Variants in GPM6A observed in about 807,000 individuals in gnomAD.
GPM6A encodes glycoprotein M6A.
A neutral mutation model predicts 32.1 loss-of-function variants in GPM6A; 7 were observed. That is an observed-to-expected ratio of 0.22 (90% CI 0.12 to 0.41). The LOEUF is 0.41. Among genes scored for constraint, GPM6A ranks in the 10% least tolerant of loss-of-function variants. The probability of loss-of-function intolerance (pLI) is 1.00; values close to 1 mark genes in which losing one functional copy is unlikely to be tolerated. For missense variants in GPM6A, 235 were observed against 347.2 expected (o/e 0.68, Z 2.57); for synonymous variants, 130 against 123.4 (o/e 1.05, Z -0.35).
intron 1 of GPM6A, among the ~76,000 whole-genome samples, chr4:175,766,398 G>A (rs1288623750): frequency 6.6e-6 from 1 of 152,114 alleles, no homozygotes; most frequent in Non-Finnish European, 1.5e-5. Context: ...CCTTTATCTG[G>A]AGGAAAAAAC....
intron 1 of GPM6A, among the ~76,000 whole-genome samples, chr4:175,791,537 G>A (rs1321005392): frequency 6.6e-6 from 1 of 152,078 alleles, no homozygotes; most frequent in Non-Finnish European, 1.5e-5. Context: ...TGTAAAGTAA[G>A]AGCAATTTAT....
chr4:175,752,710 C>A lies in GPM6A; in HGVS notation c.38-50943G>T, dbSNP rs929013133. ...CTTCTATTTGCTTATATATCTCTTA[C>A]ATGAAATTAAAGGACAAAGACCTCT... On this transcript the variant is annotated intron_variant, in intron 1 of 6. Coordinates refer to ENST00000393658, the MANE Select transcript of GPM6A (RefSeq NM_201591.3). Among the ~76,000 whole-genome samples, 4 of 152,254 alleles carry A rather than the reference C, an allele frequency of 2.6e-5. No individual in the cohort carries two copies. The East Asian group carries it at 7.7e-4, about 29-fold the overall frequency.
chr4:175,865,596 ACTTT>A (rs1439180272), intron 1 of GPM6A, among the ~76,000 whole-genome samples: 1 of 152,140 alleles, frequency 6.6e-6, no homozygotes, highest in African/African-American at 2.4e-5. Context: ...GTTCTTCTTT[ACTTT>A]CTTTCATAAA....
At chr4:175,930,946 A>G (rs1739019754) in intron 1 of GPM6A, among the ~76,000 whole-genome samples, 1 of 152,148 alleles carries the variant, frequency 6.6e-6, no homozygotes, top group Non-Finnish European at 1.5e-5. Flanking sequence ...ATTATCCATT[A>G]TTAGGATTTG....
chr4:175,817,011 C>T (rs1388421040), upstream of GPM6A, among the ~76,000 whole-genome samples: 1 of 152,108 alleles, frequency 6.6e-6, no homozygotes, highest in African/African-American at 2.4e-5. Context: ...ACCCCGCCAC[C>T]ACGCCCGGCT....
intron 1 of GPM6A, among the ~76,000 whole-genome samples, chr4:175,834,488 A>T (rs1735705642): frequency 6.6e-6 from 1 of 151,958 alleles, no homozygotes; most frequent in African/African-American, 2.4e-5. Flanking sequence ...TCACAGACTG[A>T]TTTTCTCTTC....
At chr4:175,833,960 A>G (rs1401509510) in intron 1 of GPM6A, among the ~76,000 whole-genome samples, 4 of 152,162 alleles carry the variant, frequency 2.6e-5, no homozygotes, top group Non-Finnish European at 5.9e-5. Flanking sequence ...GTCCTTCCAG[A>G]GAAGTGCTGT....
At chr4:175,747,318 T>G (rs1345810572) in intron 1 of GPM6A, among the ~76,000 whole-genome samples, 1 of 151,590 alleles carries the variant, frequency 6.6e-6, no homozygotes, top group African/African-American at 2.4e-5. Flanking sequence ...ATAGTATTTT[T>G]CATTGCTGTC....
chr4:175,696,623 C>T (rs116565322), intron 2 of GPM6A, among the ~76,000 whole-genome samples: 2,641 of 152,266 alleles, frequency 0.017, 44 homozygotes, highest in Middle Eastern at 0.037. Flanking sequence ...AATAATCATA[C>T]ATCAATACAA....
chr4:175,958,571 C>T (rs1740064041), intron 1 of GPM6A, among the ~76,000 whole-genome samples: 1 of 152,148 alleles, frequency 6.6e-6, no homozygotes, highest in South Asian at 2.1e-4. Flanking sequence ...TGGTCTTCCC[C>T]CCATTCATTG....
At chr4:175,867,273 G>A (rs73010138) in intron 1 of GPM6A, among the ~76,000 whole-genome samples, 4,363 of 152,072 alleles carry the variant, frequency 0.029, 183 homozygotes, top group African/African-American at 0.097. Flanking sequence ...CCAGTTTATC[G>A]TTTGTTTCTT....
chr4:175,900,412 C>T (rs1737926447), intron 1 of GPM6A, among the ~76,000 whole-genome samples: 1 of 148,852 alleles, frequency 6.7e-6, no homozygotes, highest in Non-Finnish European at 1.5e-5. Context: ...ATATAAGAAG[C>T]TCTATAGGAG....
At chr4:175,823,974 C>T (rs1484278479) in intron 1 of GPM6A, among the ~76,000 whole-genome samples, 2 of 152,194 alleles carry the variant, frequency 1.3e-5, no homozygotes, top group African/African-American at 4.8e-5. Flanking sequence ...TATGATTTTA[C>T]ACATTGTTCC....
intron 4 of GPM6A, among the ~76,000 whole-genome samples, chr4:175,651,373 T>C (rs199617554): frequency 6.7e-6 from 1 of 148,674 alleles, no homozygotes; most frequent in African/African-American, 2.5e-5. Context: ...TTTTTTTTTT[T>C]GTTTTTATTA....
At chr4:175,738,658 A>G (rs962273379) in intron 1 of GPM6A, among the ~76,000 whole-genome samples, 1 of 152,122 alleles carries the variant, frequency 6.6e-6, no homozygotes, top group African/African-American at 2.4e-5. Context: ...ATGAAAAAAA[A>G]TTTTTATAGA....
intron 3 of GPM6A, among the ~76,000 whole-genome samples, chr4:175,668,255 C>T (rs186030633): frequency 2.4e-4 from 37 of 152,080 alleles, no homozygotes; most frequent in Admixed American, 2.2e-3. Context: ...AGTTCTGAAG[C>T]GATATACGAG....
chr4:175,989,190 A>G (rs1389807835), intron 1 of GPM6A, among the ~76,000 whole-genome samples: 7 of 152,180 alleles, frequency 4.6e-5, no homozygotes, highest in African/African-American at 1.7e-4. Flanking sequence ...TTTAAAAAAA[A>G]TTACTATTCA....
intron 1 of GPM6A, among the ~76,000 whole-genome samples, chr4:175,828,881 A>G (rs1485516914): frequency 6.6e-6 from 1 of 152,138 alleles, no homozygotes; most frequent in African/African-American, 2.4e-5. Context: ...TATTGGCATT[A>G]CAAACATTTC....
upstream of GPM6A, among the ~76,000 whole-genome samples, chr4:175,817,239 CAG>C (rs749849551): frequency 3.9e-5 from 6 of 152,248 alleles, no homozygotes; most frequent in Admixed American, 6.5e-5. Flanking sequence ...TAACATTCTT[CAG>C]AGTTACATAA....
Sources: gnomAD v4.1 joint callset for allele counts (sites outside exome capture counted in the v4.1 genomes callset) on GRCh38, gnomAD v4.1.1 for gene constraint, MANE v1.5 for transcripts, NCBI Gene and HGNC (gene_info 2026-07-23, HGNC 2026-07-21) for gene names.